The following BTD variants were observed in gnomAD, a reference collection of about 807,000 sequenced individuals.
BTD encodes the protein biotinidase, also known as biocytinase.
BTD carries 13 observed loss-of-function variants against 17.7 expected under a neutral mutation model. The ratio of observed to expected loss-of-function variants is 0.74; its 90% confidence interval spans 0.48 to 1.17. The LOEUF (loss-of-function observed/expected upper bound fraction) is 1.17. Ranked by LOEUF, BTD falls within the 50% of genes most tolerant of loss-of-function variation. The pLI is 0.00. For missense variants in BTD, 674 were observed against 650.4 expected (o/e 1.04, Z -0.39); for synonymous variants, 240 against 245.2 (o/e 0.98, Z 0.20).
At chr3:15,671,578 G>GTTTTTTT (rs869032190) in intron 3 of BTD, among the ~76,000 whole-genome samples, 3 of 141,356 alleles carry the variant, frequency 2.1e-5, no homozygotes, top group Admixed American at 7.0e-5. Context: ...AAACACTATA[G>GTTTTTTT]TTTTTTTTTT....
In BTD at chr3:15,635,404, C is replaced by T; in HGVS notation, c.-16-20C>T. On this transcript the variant is annotated intron_variant, in intron 1 of 3. Transcript: ENST00000643237. This position sits in a 1 kb window ranked among gnomAD's most constrained non-coding sequence, Gnocchi z 4.1. Reference sequence around the variant, plus strand: ...GGATTCTTTATTCAGCTGTTTTCCCCTTGCCCCATTACATTCCAGATTTGT... The same window carrying T: ...GGATTCTTTATTCAGCTGTTTTCCCTTTGCCCCATTACATTCCAGATTTGT... 6.2e-7 allele frequency: 1 copy of T among 1,614,192 alleles called. No individual in the cohort carries two copies. Among genetic ancestry groups the T allele is most frequent in the South Asian group, 1.1e-5 (1 of 91,066 alleles).
At chr3:15,721,923 T>C (rs2073774581) in exon 5 of BTD, among the ~76,000 whole-genome samples, 1 of 152,148 alleles carries the variant, frequency 6.6e-6, no homozygotes, top group African/African-American at 2.4e-5. Context: ...TATTTGTATT[T>C]TAGTAGAGAC....
downstream of BTD, chr3:15,714,588 A>G: frequency 1.9e-6 from 3 of 1,589,820 alleles, no homozygotes; most frequent in Non-Finnish European, 2.6e-6. Flanking sequence ...CACTCTGGAT[A>G]ATGGTTTGTG....
chr3:15,629,968 C>G (rs1442412057), intron 1 of BTD: 50 of 807,678 alleles, frequency 6.2e-5, no homozygotes, highest in Non-Finnish European at 7.2e-5. Flanking sequence ...ATGTAAAATG[C>G]AATGTGGCAT....
chr3:15,616,011 A>G (rs1444872013), intron 1 of BTD, among the ~76,000 whole-genome samples: 2 of 152,148 alleles, frequency 1.3e-5, no homozygotes, highest in Non-Finnish European at 2.9e-5. Flanking sequence ...ATAATATTCC[A>G]TTGTCTGAAT....
intron 3 of BTD, among the ~76,000 whole-genome samples, chr3:15,693,620 C>CTAA (rs1377062530): frequency 6.6e-6 from 1 of 152,130 alleles, no homozygotes; most frequent in African/African-American, 2.4e-5. Context: ...GCTGCTGCTG[C>CTAA]TGCTGCTAAT....
chr3:15,653,596 T>C lies in BTD; in HGVS notation c.*8108T>C, dbSNP rs2065839004. Among the ~76,000 whole-genome samples the C allele has an allele frequency of 6.6e-6, 1 of 152,254 alleles. No homozygotes were observed. Among genetic ancestry groups the C allele is most frequent in the African/African-American group, 2.4e-5 (1 of 41,462 alleles). ...TTTTGTTTGACTAAAGGCAATTATA[T>C]TTACATTTTCTCTAAGTACTGGAAT... On this transcript the variant is annotated 3_prime_UTR_variant, in exon 4 of 4. Coordinates refer to ENST00000643237, the MANE Select transcript of BTD (RefSeq NM_001370658.1).
chr3:15,697,094 A>G (rs2069702024), intron 3 of BTD, among the ~76,000 whole-genome samples: 1 of 152,232 alleles, frequency 6.6e-6, no homozygotes, highest in Admixed American at 6.5e-5. Flanking sequence ...TATATACACC[A>G]TGGAATACTA....
At chr3:15,680,783 A>G (rs1272207602) in intron 3 of BTD, among the ~76,000 whole-genome samples, 1 of 150,474 alleles carries the variant, frequency 6.6e-6, no homozygotes, top group African/African-American at 2.5e-5. Context: ...CTCCCACCTC[A>G]GCCTCCTGAG....
intron 3 of BTD, chr3:15,679,630 G>C (rs2067311239): frequency 7.9e-7 from 1 of 1,264,522 alleles, no homozygotes; most frequent in Non-Finnish European, 1.1e-6. Context: ...ACAGGTACAT[G>C]TAAGTGTTTA....
chr3:15,633,527 G>T (rs555833421), intron 1 of BTD, among the ~76,000 whole-genome samples: 1 of 152,286 alleles, frequency 6.6e-6, no homozygotes, highest in East Asian at 1.9e-4. Context: ...TGTTTTGCTG[G>T]ATTGCAAGTC....
chr3:15,629,037 T>G (rs1362069703), intron 1 of BTD, among the ~76,000 whole-genome samples: 1 of 152,078 alleles, frequency 6.6e-6, no homozygotes, highest in Non-Finnish European at 1.5e-5. Flanking sequence ...TTAGGGGAGA[T>G]TTTTCCTTCT....
intron 1 of BTD, among the ~76,000 whole-genome samples, chr3:15,610,316 T>G (rs1192573665): frequency 6.6e-6 from 1 of 152,186 alleles, no homozygotes. Context: ...GGCAGCAGGT[T>G]GCAAAAGGGA....
In BTD at chr3:15,645,292, C is replaced by T. The variant is rs142249642; in HGVS notation, c.1376C>T (p.Thr459Met). ...DTCGQEITEATGIFEFHLWGN... is the reference protein window; with the variant it reads ...DTCGQEITEAMGIFEFHLWGN... Reference sequence around the variant, plus strand: ...TGTGGACAGGAAATCACAGAGGCCACGGGGATATTTGAGTTTCACCTGTGG... The same window carrying T: ...TGTGGACAGGAAATCACAGAGGCCATGGGGATATTTGAGTTTCACCTGTGG... Residue 459 changes from threonine (T) to methionine (M), a missense_variant, in exon 4 of 4, where the codon ACG (threonine) becomes ATG (methionine). Coordinates refer to ENST00000643237, the MANE Select transcript of BTD (RefSeq NM_001370658.1). The T allele has an allele frequency of 7.5e-5, 121 of 1,614,172 alleles. 1 individual carries two copies. The South Asian group carries it at 8.3e-4, about 11-fold the overall frequency.
rs376635618 is a variant in BTD at position 15,660,214 on chromosome 3, A to C, written c.399+18157A>C. On this transcript the variant is annotated intron_variant, in intron 3 of 3. Coordinates refer to the BTD transcript ENST00000672141. The stretch of plus-strand genomic sequence containing the variant: ...CCCAGCTAGGAAGTGGCAGAGCCAG[A>C]ATTCCTGCTGGGACCAACTGGCTCC... Among the ~76,000 whole-genome samples, 42 of 152,344 alleles carry C rather than the reference A, an allele frequency of 2.8e-4. 1 individual carries two copies. In the South Asian group the frequency reaches 8.1e-3, roughly 29 times the overall value.
chr3:15,604,973 G>A, intron 1 of BTD, among the ~76,000 whole-genome samples: 1 of 152,156 alleles, frequency 6.6e-6, no homozygotes, highest in African/African-American at 2.4e-5. Flanking sequence ...CAAGTCTCTA[G>A]GAAGTTCCAG....
intron 3 of BTD, 63 bp downstream of exon 3, chr3:15,642,120 AG>A: frequency 6.2e-7 from 1 of 1,601,286 alleles, no homozygotes; most frequent in Non-Finnish European, 8.5e-7. Flanking sequence ...GTCAGGGACC[AG>A]AAGCTGTGAC....
In BTD at chr3:15,648,819, T is replaced by C. The variant is rs755007604; in HGVS notation, c.*3331T>C. On this transcript the variant is annotated 3_prime_UTR_variant, in exon 4 of 4. Coordinates refer to ENST00000643237, the MANE Select transcript of BTD (RefSeq NM_001370658.1). ...CCCTTAATCCAATATGACATGTCCT[T>C]ATCAGAAGAGGAGAAGACACACACA... Among the ~76,000 whole-genome samples the C allele has an allele frequency of 1.3e-5, 2 of 151,244 alleles. No homozygotes were observed. Among genetic ancestry groups the C allele is most frequent in the African/African-American group, 2.4e-5 (1 of 41,146 alleles).
At chr3:15,657,037 G>A (rs2065878627), downstream of BTD, among the ~76,000 whole-genome samples, 1 of 152,198 alleles carries the variant, frequency 6.6e-6, no homozygotes, top group African/African-American at 2.4e-5. Context: ...AGGGCAGCTG[G>A]AAGGCTCCTC....
Sources: allele counts gnomAD v4.1 joint callset (sites outside exome capture counted in the v4.1 genomes callset), GRCh38; gene constraint gnomAD v4.1.1; non-coding constraint Gnocchi (gnomAD v3.1); transcripts MANE v1.5; gene names NCBI Gene and HGNC (gene_info 2026-07-23, HGNC 2026-07-21).